The following TJP2 variants were observed in gnomAD, a reference collection of about 807,000 sequenced individuals.
The protein encoded by TJP2 is tight junction protein 2.
In TJP2, 91 loss-of-function variants were observed where a neutral mutation model predicts 133.1. The ratio of observed to expected loss-of-function variants is 0.68; its 90% CI spans 0.58 to 0.81. The LOEUF is 0.81. TJP2 is among the 40% of genes least tolerant of loss of function. The pLI is 0.00. For synonymous variants in TJP2, 592 were observed against 583.4 expected (o/e 1.01, Z -0.21); for missense variants, 1,541 against 1,565.6 (o/e 0.98, Z 0.26).
chr9:69,190,458 T>C (rs937361136), intron 1 of TJP2, among the ~76,000 whole-genome samples: 2 of 152,246 alleles, frequency 1.3e-5, no homozygotes, highest in African/African-American at 4.8e-5. Flanking sequence ...CTACCAAGCA[T>C]AGTTGACTTT....
Position 69,166,352 on chromosome 9 carries a change from C to T in TJP2, c.-10+14581C>T, listed in dbSNP as rs149205874. Among the ~76,000 whole-genome samples, 1,384 of 152,250 alleles carry T rather than the reference C, an allele frequency of 9.1e-3. 9 individuals carry two copies. The highest frequency in any genetic ancestry group is 0.015 in the Non-Finnish European group (1,040 of 68,028). ...TCCTGGGCTCAAACAATCCTCCCAT[C>T]TTGGCCTCCCAAAGTGCTGGGATTA... On this transcript the variant is annotated intron_variant, in intron 2 of 5. Coordinates refer to the TJP2 transcript ENST00000423935.
intron 1 of TJP2, chr9:69,204,945 G>T: frequency 7.7e-7 from 1 of 1,293,254 alleles, no homozygotes; most frequent in Non-Finnish European, 9.8e-7. Context: ...TTGAAGTGGT[G>T]CAAATCCAAA....
intron 1 of TJP2, among the ~76,000 whole-genome samples, chr9:69,140,149 A>C (rs534006025): frequency 6.6e-6 from 1 of 152,336 alleles, no homozygotes; most frequent in African/African-American, 2.4e-5. Flanking sequence ...AGGAACACCA[A>C]ACCCAGTCTG....
At chr9:69,245,936 TG>T in intron 17 of TJP2, among the ~76,000 whole-genome samples, 1 of 152,382 alleles carries the variant, frequency 6.6e-6, no homozygotes, top group South Asian at 2.1e-4. Flanking sequence ...CAGCTCTCCA[TG>T]TCTGTGGTTT....
At chr9:69,122,953 G>C (rs1822212746) in intron 1 of TJP2, among the ~76,000 whole-genome samples, 1 of 152,136 alleles carries the variant, frequency 6.6e-6, no homozygotes, top group Admixed American at 6.6e-5. Flanking sequence ...GTGACATTCT[G>C]GGTACTTTCA....
chr9:69,251,294 T>C lies in TJP2; in HGVS notation c.3251T>C (p.Ile1084Thr), dbSNP rs961241937. Residue 1084 changes from isoleucine (I) to threonine (T), a missense_variant, in exon 21 of 23, where the codon ATA becomes ACA. Ile to Thr is a moderately conservative substitution (Grantham distance 89). Transcript: ENST00000377245. Reference sequence around the variant, plus strand: ...AAATCAGTCCTGGGCAAAGTCAAAATATTTGAGAAGATGGATCACAAGGCC... The same window carrying C: ...AAATCAGTCCTGGGCAAAGTCAAAACATTTGAGAAGATGGATCACAAGGCC... ...APKSVLGKVK[I>T]FEKMDHKARL... is the part of the protein sequence containing the mutation. The C allele has an allele frequency of 1.1e-5, 18 of 1,614,110 alleles. No homozygotes were observed. Among genetic ancestry groups the C allele is most frequent in the Admixed American group, 5.0e-5 (3 of 60,004 alleles).
chr9:69,211,971 A>G (rs1827947031), intron 1 of TJP2, among the ~76,000 whole-genome samples: 1 of 152,178 alleles, frequency 6.6e-6, no homozygotes, highest in African/African-American at 2.4e-5. Context: ...CACCAGTTGT[A>G]GTTTTTTCTG....
At chr9:69,235,973 T>C (rs1830158003) in intron 12 of TJP2, 55 bp from the exon 13 acceptor site, 1 of 1,533,030 alleles carries the variant, frequency 6.5e-7, no homozygotes, top group African/African-American at 1.4e-5. Flanking sequence ...GTTGAGTGTC[T>C]AGTACTGTAA....
chr9:69,191,281 G>T (rs945009148), intron 1 of TJP2, among the ~76,000 whole-genome samples: 5 of 152,216 alleles, frequency 3.3e-5, no homozygotes, highest in Non-Finnish European at 5.9e-5. Context: ...CTATAAAACT[G>T]CAATGTCTTT....
chr9:69,248,472 T>C, intron 19 of TJP2: 3 of 1,339,092 alleles, frequency 2.2e-6, no homozygotes, highest in South Asian at 5.2e-5. Context: ...TCAGGTGCGA[T>C]GGATAAACAG....
At chr9:69,216,732 T>C (rs1828412350) in intron 3 of TJP2, among the ~76,000 whole-genome samples, 2 of 152,316 alleles carry the variant, frequency 1.3e-5, no homozygotes, top group South Asian at 4.1e-4. Flanking sequence ...GGTTTAGGAA[T>C]CATTTCTGAA....
At chr9:69,210,516 G>A (rs578067504) in intron 1 of TJP2, among the ~76,000 whole-genome samples, 18 of 152,176 alleles carry the variant, frequency 1.2e-4, no homozygotes, top group South Asian at 4.1e-4. Context: ...AAGAACAGTC[G>A]TCACAGTGAA....
At chr9:69,181,976 C>T (rs1489168651) in intron 1 of TJP2, among the ~76,000 whole-genome samples, 1 of 152,182 alleles carries the variant, frequency 6.6e-6, no homozygotes, top group Non-Finnish European at 1.5e-5. Flanking sequence ...CTTCCTCTTC[C>T]TCTTCCTCTC....
At chr9:69,121,433 C>A, upstream of TJP2, 2 of 801,554 alleles carry the variant, frequency 2.5e-6, no homozygotes, top group Non-Finnish European at 3.0e-6. Context: ...GCCCAACTCC[C>A]CCTGCCCCCA....
At chr9:69,174,165 G>C, upstream of TJP2, 1 of 1,286,990 alleles carries the variant, frequency 7.8e-7, no homozygotes, top group African/African-American at 1.6e-5. Flanking sequence ...GGCGGCCAGC[G>C]CGGAGGCGCC....
chr9:69,161,323 G>T (rs529347448), intron 2 of TJP2, among the ~76,000 whole-genome samples: 3 of 152,136 alleles, frequency 2.0e-5, no homozygotes, highest in East Asian at 3.9e-4. Context: ...CCGCCTCCTG[G>T]GTTCAAGCCA....
rs1563963196 is a variant in TJP2 at position 69,251,240 on chromosome 9, A to G, written c.3197A>G (p.Glu1066Gly). Reference sequence around the variant, plus strand: ...CCTCAAGAGGGTGAGGAGGTGGGAGAGAGCAGTGAGGAGCAAGATAATGCT... The same window carrying G: ...CCTCAAGAGGGTGAGGAGGTGGGAGGGAGCAGTGAGGAGCAAGATAATGCT... ...IPPQEGEEVG[E>G]SSEEQDNAPK... The change falls in exon 21 of 23, where the codon GAG becomes GGG. Residue 1066 changes from glutamate to glycine, a missense_variant. By Grantham distance (98) the Glu-to-Gly change is moderately conservative. Transcript: ENST00000377245. The G allele has an allele frequency of 1.2e-6, 2 of 1,614,098 alleles. No individual in the cohort carries two copies. Among genetic ancestry groups the G allele is most frequent in the Non-Finnish European group, 8.5e-7 (1 of 1,180,014 alleles).
At chr9:69,181,098 C>T (rs889077100) in intron 1 of TJP2, among the ~76,000 whole-genome samples, 13 of 151,978 alleles carry the variant, frequency 8.6e-5, no homozygotes, top group African/African-American at 2.4e-4. Context: ...GTTAGAATTG[C>T]GAATTTCATC....
chr9:69,251,249 A>G lies in TJP2; in HGVS notation c.3206A>G (p.Glu1069Gly). 1 of 1,614,172 alleles carries G rather than the reference A, an allele frequency of 6.2e-7. No homozygotes were observed. Among genetic ancestry groups the G allele is most frequent in the Non-Finnish European group, 8.5e-7 (1 of 1,180,020 alleles). Residue 1069 changes from glutamate to glycine, a missense_variant, in exon 21 of 23, where the codon GAG becomes GGG. Glu to Gly is a moderately conservative substitution (Grantham distance 98). Coordinates refer to ENST00000377245, the MANE Select transcript of TJP2 (RefSeq NM_004817.4). The part of the protein sequence containing the change: ...QEGEEVGESS[E>G]EQDNAPKSVL... Reference sequence around the variant, plus strand: ...GGTGAGGAGGTGGGAGAGAGCAGTGAGGAGCAAGATAATGCTCCCAAATCA... The same window carrying G: ...GGTGAGGAGGTGGGAGAGAGCAGTGGGGAGCAAGATAATGCTCCCAAATCA...
Sources: allele counts gnomAD v4.1 joint callset (sites outside exome capture counted in the v4.1 genomes callset), GRCh38; gene constraint gnomAD v4.1.1; transcripts MANE v1.5; gene names NCBI Gene and HGNC (gene_info 2026-07-23, HGNC 2026-07-21).